Variants in BRI3 observed in about 807,000 individuals in gnomAD.
The protein encoded by BRI3 is brain protein I3, also known as membrane protein BRI3.
Under a neutral mutation model 12.8 loss-of-function variants are expected in BRI3, and 6 were observed. The observed-to-expected ratio is 0.47, with a 90% CI of 0.26 to 0.93. BRI3 has a LOEUF of 0.93. Among genes scored for constraint, BRI3 ranks in the 40% least tolerant of loss-of-function variants. The pLI is 0.15. For synonymous variants in BRI3, 91 were observed against 76.1 expected (o/e 1.20, Z -1.02); for missense variants, 134 against 171.1 (o/e 0.78, Z 1.21).
chr7:98,303,533 T>A (rs989779534), upstream of BRI3, among the ~76,000 whole-genome samples: 1 of 152,158 alleles, frequency 6.6e-6, no homozygotes, highest in African/African-American at 2.4e-5. Context: ...GTTTATTTTT[T>A]ATTGTCTGCT....
chr7:98,320,996 A>G, the BRI3 span, among the ~76,000 whole-genome samples: 1 of 152,246 alleles, frequency 6.6e-6, no homozygotes, highest in South Asian at 2.1e-4. Flanking sequence ...AGCTGGGACT[A>G]CAGGCGTGCA....
the BRI3 span, among the ~76,000 whole-genome samples, chr7:98,319,380 G>A: frequency 6.6e-6 from 1 of 152,144 alleles, no homozygotes; most frequent in Admixed American, 6.5e-5. Context: ...GCCCCGGACG[G>A]TGCTCTCCCG....
chr7:98,309,508 C>T (rs919517162), exon 2 of BRI3: 2 of 152,190 alleles, frequency 1.3e-5, no homozygotes, highest in African/African-American at 4.8e-5. Context: ...TCATCTGAAT[C>T]ACTGGGATGC....
At chr7:98,306,415 G>A, upstream of BRI3, 1 of 1,613,556 alleles carries the variant, frequency 6.2e-7, no homozygotes, top group Non-Finnish European at 8.5e-7. Flanking sequence ...GTCACCGGGA[G>A]AGCTCAGCCA....
chr7:98,281,924 C>T lies in BRI3; in HGVS notation c.129C>T (p.Pro43=), dbSNP rs926167966. The change falls in exon 1 of 3, where the codon CCC becomes CCT. Residue 43 remains proline, a synonymous_variant. Coordinates refer to ENST00000297290, the MANE Select transcript of BRI3 (RefSeq NM_015379.5). ...CCGCGCCCCCGCCGCCGCCCTACCC[C>T]TACCTCGTCACAGGTGGGCCCGTAA... The part of the protein sequence containing the change: ...IPAAPPPPPY[P]YLVTGIPTHH... The T allele has an allele frequency of 3.8e-6, 5 of 1,313,728 alleles. No homozygotes were observed. Among genetic ancestry groups the T allele is most frequent in the Non-Finnish European group, 4.8e-6 (5 of 1,033,698 alleles). The allele number at this position is 1,313,728 out of a possible 1,614,324, so 81.4% of individuals were successfully genotyped here.
chr7:98,313,351 G>A (rs747832518), downstream of BRI3, among the ~76,000 whole-genome samples: 5 of 152,100 alleles, frequency 3.3e-5, no homozygotes, highest in East Asian at 1.9e-4. Flanking sequence ...TACTGGGACC[G>A]ATGGTTAAGT....
downstream of BRI3, among the ~76,000 whole-genome samples, chr7:98,296,646 C>G (rs1305248203): frequency 6.6e-6 from 1 of 152,040 alleles, no homozygotes; most frequent in East Asian, 1.9e-4. Context: ...AAACAAAAAA[C>G]CAACAAAACA....
chr7:98,285,442 T>A (rs905511824), intron 2 of BRI3, among the ~76,000 whole-genome samples: 2 of 152,168 alleles, frequency 1.3e-5, no homozygotes, highest in African/African-American at 4.8e-5. Context: ...CTGAGTTAGC[T>A]GGGATGGCTC....
At chr7:98,282,504 C>T (rs943201450) in intron 2 of BRI3, 51 bp downstream of exon 2, 5 of 1,471,156 alleles carry the variant, frequency 3.4e-6, no homozygotes, top group African/African-American at 2.8e-5. Flanking sequence ...TGAGGACCCC[C>T]GCCCTAACCC....
downstream of BRI3, among the ~76,000 whole-genome samples, chr7:98,297,026 C>T (rs534585204): frequency 2.0e-5 from 3 of 152,334 alleles, no homozygotes; most frequent in East Asian, 3.9e-4. Context: ...CCCAGGGCCC[C>T]GCGGGCACTG....
chr7:98,301,225 A>G (rs1348256154), intron 1 of BRI3, among the ~76,000 whole-genome samples: 1 of 152,124 alleles, frequency 6.6e-6, no homozygotes, highest in Non-Finnish European at 1.5e-5. Context: ...AGTGATAAAC[A>G]TGACCTCCCT....
At chr7:98,302,978 G>T (rs1201327455), upstream of BRI3, among the ~76,000 whole-genome samples, 1 of 152,020 alleles carries the variant, frequency 6.6e-6, no homozygotes. Context: ...TCTACATAGG[G>T]TTTTGCTATG....
At chr7:98,285,135 A>T (rs1022588098) in intron 2 of BRI3, among the ~76,000 whole-genome samples, 4 of 151,962 alleles carry the variant, frequency 2.6e-5, no homozygotes, top group Non-Finnish European at 5.9e-5. Flanking sequence ...CCAGAGAGAG[A>T]GGAAATCCTG....
Position 98,282,355 on chromosome 7 carries a change from A to G in BRI3, c.147A>G (p.Ile49Met), listed in dbSNP as rs750335379. The change falls in exon 2 of 3, where the codon ATA becomes ATG. Residue 49 changes from isoleucine to methionine, a missense_variant. Transcript: ENST00000297290. The stretch of plus-strand genomic sequence containing the variant: ...GACCTGCTTTCCCGCCCACAGGGAT[A>G]CCCACCCACCATCCCAGGGTCTACA... Reference protein sequence around the residue: ...PPPYPYLVTGIPTHHPRVYNI... With the variant: ...PPPYPYLVTGMPTHHPRVYNI... 24 of 1,613,398 alleles carry G rather than the reference A, an allele frequency of 1.5e-5. No individual in the cohort carries two copies. Among genetic ancestry groups the G allele is most frequent in the Non-Finnish European group, 1.9e-5 (22 of 1,179,464 alleles).
intron 1 of BRI3, chr7:98,307,351 C>G: frequency 9.1e-7 from 1 of 1,096,700 alleles, no homozygotes; most frequent in Admixed American, 4.4e-5. Context: ...GGTGATCTGC[C>G]CGCCTTAGCC....
upstream of BRI3, among the ~76,000 whole-genome samples, chr7:98,302,971 A>G (rs1322200600): frequency 1.3e-5 from 2 of 152,074 alleles, no homozygotes; most frequent in African/African-American, 4.8e-5. Flanking sequence ...TTTTTTGTCT[A>G]CATAGGGTTT....
intron 1 of BRI3, among the ~76,000 whole-genome samples, 156 bp downstream of exon 1, chr7:98,282,093 G>C (rs1344640702): frequency 6.6e-6 from 1 of 152,084 alleles, no homozygotes; most frequent in Non-Finnish European, 1.5e-5. Context: ...CCGAGGGCCA[G>C]CCTCCCCCCC....
chr7:98,293,923 G>C, downstream of BRI3: 2 of 908,632 alleles, frequency 2.2e-6, no homozygotes, highest in South Asian at 3.2e-5. Flanking sequence ...AGTTGGTAAA[G>C]CGAGCAGGGG....
At chr7:98,287,156 A>C (rs1799737369) in intron 2 of BRI3, among the ~76,000 whole-genome samples, 1 of 152,202 alleles carries the variant, frequency 6.6e-6, no homozygotes, top group East Asian at 1.9e-4. Context: ...GGACAGCTGG[A>C]TCTGTCCAGC....
Sources: allele counts gnomAD v4.1 joint callset (sites outside exome capture counted in the v4.1 genomes callset), GRCh38; gene constraint gnomAD v4.1.1; transcripts MANE v1.5; gene names NCBI Gene and HGNC (gene_info 2026-07-23, HGNC 2026-07-21).